Variants in SPON1 observed in about 807,000 individuals in gnomAD.
SPON1 encodes the protein spondin 1, also known as spondin-1.
In SPON1, 52 loss-of-function variants were observed where a neutral mutation model predicts 111.7. The observed-to-expected ratio is 0.47, with a 90% CI of 0.37 to 0.59. The LOEUF is 0.59. Among genes scored for constraint, SPON1 ranks in the 20% least tolerant of loss-of-function variants. The probability of loss-of-function intolerance (pLI) is 0.00; values close to 1 mark genes in which losing one functional copy is unlikely to be tolerated. For missense variants in SPON1, 957 were observed against 1,068.5 expected (o/e 0.90, Z 1.46); for synonymous variants, 410 against 395.8 (o/e 1.04, Z -0.43).
chr11:14,079,860 G>GCATTA, intron 4 of SPON1, 39 bp from the exon 5 acceptor site: 2 of 1,613,188 alleles, frequency 1.2e-6, no homozygotes, highest in East Asian at 4.5e-5. Flanking sequence ...TACAACCCAC[G>GCATTA]TTTACTTTCT....
intron 2 of SPON1, among the ~76,000 whole-genome samples, chr11:14,028,709 G>C (rs1244739482): frequency 6.6e-6 from 1 of 152,076 alleles, no homozygotes; most frequent in Non-Finnish European, 1.5e-5. Context: ...GCAGCTCCAG[G>C]TCCCCTTCTG....
At chr11:14,258,522 ATCT>A (rs1849135505) in intron 11 of SPON1, among the ~76,000 whole-genome samples, 1 of 152,210 alleles carries the variant, frequency 6.6e-6, no homozygotes, top group Non-Finnish European at 1.5e-5. Flanking sequence ...TGCCTGATAG[ATCT>A]ACGCTATTCT....
intron 6 of SPON1, among the ~76,000 whole-genome samples, chr11:14,143,046 GCCATAGGATCTTCCT>G (rs1369499241): frequency 6.6e-6 from 1 of 152,188 alleles, no homozygotes; most frequent in Non-Finnish European, 1.5e-5. Context: ...CCAAATGGTA[GCCATAGGATCTTCCT>G]CCTTGGCTTC....
intron 4 of SPON1, among the ~76,000 whole-genome samples, chr11:14,078,453 G>A (rs1554921706): frequency 6.6e-6 from 1 of 152,114 alleles, no homozygotes; most frequent in Non-Finnish European, 1.5e-5. Flanking sequence ...GCTATGTAGG[G>A]AGGCAATTTT....
At chr11:14,163,156 T>A (rs542777346) in intron 6 of SPON1, among the ~76,000 whole-genome samples, 1 of 152,320 alleles carries the variant, frequency 6.6e-6, no homozygotes, top group Non-Finnish European at 1.5e-5. Context: ...TTTTTGTGTG[T>A]TAACAAATAC....
chr11:14,164,653 C>T (rs7950579), intron 6 of SPON1, among the ~76,000 whole-genome samples: 2 of 152,082 alleles, frequency 1.3e-5, no homozygotes, highest in African/African-American at 4.8e-5. Flanking sequence ...CGATTCATCA[C>T]GACAGGGGCA....
rs144324364 is a variant in SPON1 at position 14,000,421 on chromosome 11, T to G, written c.345+17468T>G. ...CCAGACATGTTATATGCTTGATTGC[T>G]TATTAGCTATTACCCCTACTGCAAT... On this transcript the variant is annotated intron_variant, in intron 2 of 15. Transcript: ENST00000576479. Among the ~76,000 whole-genome samples, 3 of 152,352 alleles carry G rather than the reference T, an allele frequency of 2.0e-5. No homozygotes were observed. In the East Asian group the frequency reaches 5.8e-4, roughly 29 times the overall value.
At chr11:14,179,335 T>C (rs1161856860) in intron 6 of SPON1, among the ~76,000 whole-genome samples, 3 of 152,214 alleles carry the variant, frequency 2.0e-5, no homozygotes, top group African/African-American at 7.2e-5. Flanking sequence ...GACATGCATA[T>C]GTATTTATTT....
At chr11:14,256,343 C>A (rs1849107737) in intron 9 of SPON1, among the ~76,000 whole-genome samples, 1 of 152,116 alleles carries the variant, frequency 6.6e-6, no homozygotes, top group Non-Finnish European at 1.5e-5. Flanking sequence ...AAATTGCTTT[C>A]ATTGTGAGTT....
chr11:14,265,394 C>T, intron 15 of SPON1, 130 bp from the exon 16 acceptor site: 1 of 1,106,220 alleles, frequency 9.0e-7, no homozygotes, highest in Non-Finnish European at 1.2e-6. Flanking sequence ...CTAATAACGA[C>T]TCTAACCAAT....
chr11:14,217,799 G>A (rs888777653), intron 6 of SPON1, among the ~76,000 whole-genome samples: 1 of 152,134 alleles, frequency 6.6e-6, no homozygotes, highest in South Asian at 2.1e-4. Context: ...CTATTATAAG[G>A]ATAGTTAGCT....
chr11:14,171,835 G>A (rs1848105315), intron 6 of SPON1, among the ~76,000 whole-genome samples: 1 of 152,168 alleles, frequency 6.6e-6, no homozygotes, highest in Non-Finnish European at 1.5e-5. Flanking sequence ...GTTCTAGTTG[G>A]ATTGCACTGT....
At chr11:14,125,807 A>C (rs1847453120) in intron 5 of SPON1, among the ~76,000 whole-genome samples, 1 of 152,182 alleles carries the variant, frequency 6.6e-6, no homozygotes, top group Non-Finnish European at 1.5e-5. Context: ...GATGTGGCTA[A>C]CCTGAGTACA....
intron 2 of SPON1, among the ~76,000 whole-genome samples, chr11:14,027,597 C>A (rs1342601985): frequency 6.6e-6 from 1 of 152,184 alleles, no homozygotes; most frequent in Non-Finnish European, 1.5e-5. Context: ...CCATTGCAAA[C>A]CCCATTAGTG....
chr11:13,996,484 A>G (rs1298184830), intron 2 of SPON1, among the ~76,000 whole-genome samples: 8 of 152,366 alleles, frequency 5.3e-5, no homozygotes, highest in African/African-American at 1.9e-4. Context: ...TTTCCTTCCC[A>G]GCAAGAAAGC....
chr11:14,157,097 A>G (rs556151176), intron 6 of SPON1, among the ~76,000 whole-genome samples: 23 of 152,164 alleles, frequency 1.5e-4, no homozygotes, highest in Non-Finnish European at 2.4e-4. Flanking sequence ...ACACATTATT[A>G]GTATTGCTTT....
chr11:13,995,665 T>C (rs1411921361), intron 2 of SPON1, among the ~76,000 whole-genome samples: 7 of 152,166 alleles, frequency 4.6e-5, no homozygotes, highest in Non-Finnish European at 8.8e-5. Flanking sequence ...AACCATATCA[T>C]GGCCCCTGGT....
chr11:14,230,726 C>A (rs1848789494), intron 6 of SPON1, among the ~76,000 whole-genome samples: 1 of 151,962 alleles, frequency 6.6e-6, no homozygotes, highest in Non-Finnish European at 1.5e-5. Context: ...TTGGATGCGA[C>A]CTTTTCTTTT....
At chr11:14,101,631 C>G (rs1849144978) in intron 5 of SPON1, among the ~76,000 whole-genome samples, 1 of 151,804 alleles carries the variant, frequency 6.6e-6, no homozygotes, top group Non-Finnish European at 1.5e-5. Flanking sequence ...TTTTCCCTTC[C>G]TACCTCACTG....
Sources: gnomAD v4.1 joint callset for allele counts (sites outside exome capture counted in the v4.1 genomes callset) on GRCh38, gnomAD v4.1.1 for gene constraint, MANE v1.5 for transcripts, NCBI Gene and HGNC (gene_info 2026-07-23, HGNC 2026-07-21) for gene names.